Variants in TEX9 observed in about 807,000 individuals in gnomAD.
TEX9 encodes testis-expressed protein 9.
Under a neutral mutation model 59.6 loss-of-function variants are expected in TEX9, and 74 were observed. The observed-to-expected ratio is 1.24, with a 90% CI of 1.03 to 1.51. The LOEUF is 1.51. Ranked by LOEUF, TEX9 falls within the 40% of genes most tolerant of loss-of-function variation. The pLI, the probability that TEX9 is intolerant of heterozygous loss-of-function variation, is 0.00. For missense variants in TEX9, 522 were observed against 447.8 expected (o/e 1.17, Z -1.49); for synonymous variants, 186 against 152.2 (o/e 1.22, Z -1.64).
At chr15:56,290,458 A>C (rs2141499308) in intron 1 of TEX9, among the ~76,000 whole-genome samples, 1 of 150,540 alleles carries the variant, frequency 6.6e-6, no homozygotes, top group Non-Finnish European at 1.5e-5. Context: ...TGCCCCCCCC[A>C]GTTTTTTTCA....
intron 3 of TEX9, among the ~76,000 whole-genome samples, chr15:56,380,436 TTAGAG>T (rs1487153381): frequency 2.0e-5 from 3 of 152,320 alleles, no homozygotes; most frequent in Admixed American, 6.5e-5. Context: ...TCTTTCTACT[TTAGAG>T]TAGTTTACAC....
intron 1 of TEX9, among the ~76,000 whole-genome samples, chr15:56,284,675 T>A (rs1334412729): frequency 3.3e-5 from 5 of 152,172 alleles, no homozygotes; most frequent in Admixed American, 1.3e-4. Flanking sequence ...CCAGTCCTAT[T>A]TGATGGCCCT....
At chr15:56,347,816 G>A (rs1463245007) in intron 1 of TEX9, among the ~76,000 whole-genome samples, 1 of 151,882 alleles carries the variant, frequency 6.6e-6, no homozygotes, top group African/African-American at 2.4e-5. Flanking sequence ...TGTTAAGAGG[G>A]TGAAAATACA....
At chr15:56,333,862 T>C (rs2046207862) in intron 1 of TEX9, among the ~76,000 whole-genome samples, 1 of 152,176 alleles carries the variant, frequency 6.6e-6, no homozygotes, top group African/African-American at 2.4e-5. Flanking sequence ...GTAGCATTTT[T>C]ATATTCCATC....
intron 12 of TEX9, among the ~76,000 whole-genome samples, chr15:56,440,541 A>G (rs1320122570): frequency 2.6e-5 from 4 of 152,206 alleles, no homozygotes; most frequent in Non-Finnish European, 4.4e-5. Flanking sequence ...TTTACTCATC[A>G]GAGCTAAATA....
At chr15:56,413,529 C>G (rs1229263436) in intron 10 of TEX9, among the ~76,000 whole-genome samples, 2 of 151,080 alleles carry the variant, frequency 1.3e-5, no homozygotes, top group Non-Finnish European at 3.0e-5. Flanking sequence ...CTGAAACTCT[C>G]TACCAATTAA....
chr15:56,410,087 A>G (rs1232633351), intron 9 of TEX9: 3 of 152,242 alleles, frequency 2.0e-5, no homozygotes, highest in Non-Finnish European at 4.4e-5. Context: ...AATGTGTTGA[A>G]TAAATGAATG....
intron 2 of TEX9, among the ~76,000 whole-genome samples, chr15:56,366,664 TAAA>T (rs1436985792): frequency 6.6e-6 from 1 of 152,194 alleles, no homozygotes; most frequent in Non-Finnish European, 1.5e-5. Flanking sequence ...CATACCCTTA[TAAA>T]AAAGTGCCTT....
chr15:56,395,070 A>C (rs1421288097), intron 9 of TEX9: 1 of 508,802 alleles, frequency 2.0e-6, no homozygotes, highest in East Asian at 3.2e-5. Flanking sequence ...TATCACCACA[A>C]CCATTTTCAT....
chr15:56,373,710 C>A (rs1194435578), intron 3 of TEX9, among the ~76,000 whole-genome samples: 1 of 152,042 alleles, frequency 6.6e-6, no homozygotes, highest in Admixed American at 6.6e-5. Context: ...TTTCTAAAAG[C>A]CACTGAAAAA....
chr15:56,389,425 TC>T (rs747860136), intron 6 of TEX9, 25 bp downstream of exon 6: 8 of 1,526,538 alleles, frequency 5.2e-6, no homozygotes, highest in Non-Finnish European at 7.2e-6. Context: ...TCAAAGTATT[TC>T]TTTTTTTTTA....
intron 3 of TEX9, among the ~76,000 whole-genome samples, chr15:56,377,115 T>C (rs1444006709): frequency 2.0e-5 from 3 of 152,194 alleles, no homozygotes; most frequent in African/African-American, 7.2e-5. Flanking sequence ...TTGGTCTGTG[T>C]GTCTGTTTTT....
At chr15:56,349,455 G>A (rs2046533513) in intron 1 of TEX9, among the ~76,000 whole-genome samples, 1 of 152,140 alleles carries the variant, frequency 6.6e-6, no homozygotes, top group African/African-American at 2.4e-5. Flanking sequence ...ATGCTCTCTT[G>A]TCTAGTTGCT....
At chr15:56,345,037 G>GGA (rs1555434770) in intron 1 of TEX9, among the ~76,000 whole-genome samples, 1 of 54,824 alleles carries the variant, frequency 1.8e-5, no homozygotes, top group East Asian at 2.9e-4. Context: ...CTATCTATCT[G>GGA]GATATATATA....
At chr15:56,247,807 C>T (rs1220401297) in intron 1 of TEX9, among the ~76,000 whole-genome samples, 2 of 152,116 alleles carry the variant, frequency 1.3e-5, no homozygotes, top group East Asian at 3.9e-4. Flanking sequence ...AAAGTTCTAC[C>T]CTGTTCTCCT....
intron 1 of TEX9, among the ~76,000 whole-genome samples, chr15:56,330,706 A>G (rs1190734370): frequency 6.6e-6 from 1 of 152,068 alleles, no homozygotes; most frequent in Non-Finnish European, 1.5e-5. Flanking sequence ...AAATCAAATC[A>G]TACCACCAGA....
chr15:56,294,513 C>A (rs2045173476), intron 1 of TEX9, among the ~76,000 whole-genome samples: 1 of 152,126 alleles, frequency 6.6e-6, no homozygotes, highest in Non-Finnish European at 1.5e-5. Context: ...TTATCTCTGG[C>A]CAATGATTTT....
At chr15:56,309,720 T>TTTTTTTTTTTA (rs1249792227) in intron 1 of TEX9, among the ~76,000 whole-genome samples, 1 of 144,040 alleles carries the variant, frequency 6.9e-6, no homozygotes, top group Non-Finnish European at 1.5e-5. Flanking sequence ...TTTTTTTTTT[T>TTTTTTTTTTTA]TTTTAAAGCA....
At chr15:56,453,145 T>C in the TEX9 span, among the ~76,000 whole-genome samples, 9 of 152,222 alleles carry the variant, frequency 5.9e-5, no homozygotes, top group South Asian at 4.1e-4. Context: ...TTCTTGACTT[T>C]AACTTCATTT....
Sources: gnomAD v4.1 joint callset for allele counts (sites outside exome capture counted in the v4.1 genomes callset) on GRCh38, gnomAD v4.1.1 for gene constraint, MANE v1.5 for transcripts, NCBI Gene and HGNC (gene_info 2026-07-23, HGNC 2026-07-21) for gene names.